RUNX1T1: variants seen among roughly 807,000 people sequenced by gnomAD.
RUNX1T1 encodes the protein protein CBFA2T1.
In RUNX1T1, 4 loss-of-function variants were observed where a neutral mutation model predicts 62.8. That is an observed-to-expected ratio of 0.06 (90% CI 0.03 to 0.15). RUNX1T1 has a LOEUF of 0.15. RUNX1T1 is among the 10% of genes least tolerant of loss of function. The pLI is 1.00. For missense variants in RUNX1T1, 508 were observed against 754.3 expected, an observed-to-expected ratio of 0.67 and a Z score of 3.82; for synonymous variants, 291 against 286.0, an observed-to-expected ratio of 1.02 and a Z score of -0.18.
At chr8:91,994,309 T>C (rs758591258) in intron 5 of RUNX1T1, among the ~76,000 whole-genome samples, 2 of 152,232 alleles carry the variant, frequency 1.3e-5, no homozygotes, top group African/African-American at 4.8e-5. Flanking sequence ...AACTGAAACA[T>C]TCTAGATACT....
At chr8:92,012,577 G>GA (rs1563753058) in intron 3 of RUNX1T1, among the ~76,000 whole-genome samples, 1 of 151,802 alleles carries the variant, frequency 6.6e-6, no homozygotes, top group African/African-American at 2.4e-5. Context: ...ATGTTTAAAA[G>GA]AAAAAACAAA....
At chr8:92,007,985 AAAG>A (rs1235545299) in intron 4 of RUNX1T1, among the ~76,000 whole-genome samples, 5 of 151,070 alleles carry the variant, frequency 3.3e-5, no homozygotes, top group Admixed American at 1.3e-4. Flanking sequence ...AAAAAAAAAA[AAAG>A]AAAGAAAGAA....
At chr8:91,994,311 C>T (rs577111897) in intron 5 of RUNX1T1, among the ~76,000 whole-genome samples, 6 of 152,304 alleles carry the variant, frequency 3.9e-5, no homozygotes, top group African/African-American at 1.2e-4. Flanking sequence ...CTGAAACATT[C>T]TAGATACTGA....
chr8:91,979,305 C>T (rs1254714066), intron 8 of RUNX1T1, among the ~76,000 whole-genome samples: 1 of 152,244 alleles, frequency 6.6e-6, no homozygotes, highest in Non-Finnish European at 1.5e-5. Context: ...TAGGACTTTA[C>T]TATTTTAGAA....
rs369392655 is a variant in RUNX1T1, at chr8:92,060,720, G to A, written c.7+1826C>T. 2.0e-5 allele frequency among the ~76,000 whole-genome samples: 3 copies of A among 151,816 alleles called. No individual in the cohort carries two copies. In the East Asian group the frequency reaches 5.8e-4, roughly 29 times the overall value. On this transcript the variant is annotated intron_variant, in intron 1 of 10. Transcript: ENST00000396218. ...GATGGCTAAAATCATCCATTAAAAT[G>A]AACCTATATATATGGACTAAAATAA...
downstream of RUNX1T1, chr8:91,955,931 G>A (rs1214950232): frequency 1.7e-5 from 4 of 229,752 alleles, no homozygotes; most frequent in African/African-American, 6.6e-5. Context: ...CAGCAAGTTG[G>A]AGATAGCCAC....
chr8:91,974,085 G>T (rs1813407998), intron 9 of RUNX1T1, among the ~76,000 whole-genome samples: 1 of 151,846 alleles, frequency 6.6e-6, no homozygotes, highest in African/African-American at 2.4e-5. Flanking sequence ...ACTCTCTTAA[G>T]TCCCCAAAAC....
intron 10 of RUNX1T1, among the ~76,000 whole-genome samples, chr8:91,964,291 ATC>A (rs1811130280): frequency 6.6e-6 from 1 of 152,150 alleles, no homozygotes; most frequent in African/African-American, 2.4e-5. Flanking sequence ...CTGCAGAAAA[ATC>A]TTTTTCTGAA....
Position 92,000,135 on chromosome 8 carries a change from G to C in RUNX1T1, c.659+4981C>G, listed in dbSNP as rs997263014. ...GGCCTGGCCAATATGGTGAAACCCC[G>C]TCTCTGGTAAAAATACAAAAAATTA... On this transcript the variant is annotated intron_variant, in intron 5 of 10. Transcript: ENST00000396218. 1.4e-4 allele frequency among the ~76,000 whole-genome samples: 22 copies of C among 151,924 alleles called. 1 individual carries two copies. The highest frequency in any genetic ancestry group is 5.9e-5 in the Non-Finnish European group (4 of 67,998).
chr8:92,103,283 C>CCTCGCTCACT (rs1296874623), upstream of RUNX1T1: 6 of 227,384 alleles, frequency 2.6e-5, no homozygotes, highest in Non-Finnish European at 4.3e-5. Flanking sequence ...CCTCGCCCGC[C>CCTCGCTCACT]CTCGCTCACT....
intron 1 of RUNX1T1, 161 bp from the exon 3 acceptor site, chr8:92,017,524 C>T: frequency 6.6e-7 from 1 of 1,515,140 alleles, no homozygotes; most frequent in Non-Finnish European, 8.8e-7. Context: ...TTTTATCATC[C>T]AAACCCCACT....
intron 1 of RUNX1T1, among the ~76,000 whole-genome samples, chr8:92,054,305 C>T (rs1410824131): frequency 1.3e-5 from 2 of 152,034 alleles, no homozygotes; most frequent in African/African-American, 4.8e-5. Context: ...GGCAGAAAAT[C>T]CTATCAAGCA....
At chr8:92,018,680 C>T (rs62520939) in intron 1 of RUNX1T1, among the ~76,000 whole-genome samples, 2,420 of 152,300 alleles carry the variant, frequency 0.016, 46 homozygotes, top group Non-Finnish European at 0.026. Flanking sequence ...ACTACTATAA[C>T]AATTCCAAAT....
intron 1 of RUNX1T1, among the ~76,000 whole-genome samples, chr8:92,024,497 CAAAAAAAA>C (rs34547904): frequency 3.4e-4 from 6 of 17,546 alleles, no homozygotes; most frequent in African/African-American, 8.9e-4. Context: ...AACCCCAACT[CAAAAAAAA>C]AAAAAAAAAA....
intron 1 of RUNX1T1, among the ~76,000 whole-genome samples, chr8:92,019,716 C>T (rs1823723766): frequency 6.6e-6 from 1 of 152,064 alleles, no homozygotes; most frequent in African/African-American, 2.4e-5. Context: ...AATAAGTTTC[C>T]TCCTCAATTT....
intron 7 of RUNX1T1, among the ~76,000 whole-genome samples, chr8:91,986,531 A>T (rs923196605): frequency 1.3e-5 from 2 of 152,208 alleles, no homozygotes; most frequent in African/African-American, 2.4e-5. Context: ...AGTGTTATGA[A>T]CACGAGTCAG....
intron 9 of RUNX1T1, 47 bp downstream of exon 10, chr8:91,975,858 C>T (rs1407080248): frequency 7.8e-7 from 1 of 1,276,094 alleles, no homozygotes; most frequent in Non-Finnish European, 1.1e-6. Flanking sequence ...TTAACAACTG[C>T]ACACAGCTGC....
At chr8:92,050,342 G>A (rs1004369765) in intron 1 of RUNX1T1, among the ~76,000 whole-genome samples, 1 of 152,132 alleles carries the variant, frequency 6.6e-6, no homozygotes, top group African/African-American at 2.4e-5. Context: ...GAAGATAACA[G>A]TACCAGAAAC....
At position 91,991,897 on chromosome 8, in the gene RUNX1T1, G is replaced by T. The variant is rs537867807; in HGVS notation, c.660-8C>A. 6.8e-6 allele frequency: 11 copies of T among 1,612,676 alleles called. No homozygotes were observed. In the Middle Eastern group the frequency reaches 9.9e-4, roughly 145 times the overall value. On this transcript the variant is annotated splice_polypyrimidine_tract_variant and splice_region_variant and intron_variant, in intron 5 of 10. Transcript: ENST00000396218. ...AAGCCATTTTCTTTGGTTCTAAAGG[G>T]GGAAAAAACAAGAGTTTGTTTCATC... is the stretch of plus-strand genomic sequence containing the variant.
Sources: allele counts gnomAD v4.1 joint callset (sites outside exome capture counted in the v4.1 genomes callset), GRCh38; gene constraint gnomAD v4.1.1; transcripts MANE v1.5; gene names NCBI Gene and HGNC (gene_info 2026-07-23, HGNC 2026-07-21).